Variants in RAB38 observed in about 807,000 individuals in gnomAD.
RAB38 encodes the protein RAB38, member RAS oncogene family.
In RAB38, 15 loss-of-function variants were observed where a neutral mutation model predicts 18.4. The ratio of observed to expected loss-of-function variants is 0.82; its 90% CI spans 0.55 to 1.26. The LOEUF is 1.26. RAB38 is among the 50% of genes most tolerant of loss of function. The probability of loss-of-function intolerance (pLI) is 0.00; values close to 1 mark genes in which losing one functional copy is unlikely to be tolerated. For missense variants in RAB38, 294 were observed against 267.4 expected, an observed-to-expected ratio of 1.10 and a Z score of -0.69; for synonymous variants, 101 against 104.4, an observed-to-expected ratio of 0.97 and a Z score of 0.20.
the RAB38 span, among the ~76,000 whole-genome samples, chr11:88,060,471 G>T: frequency 6.6e-6 from 1 of 152,158 alleles, no homozygotes; most frequent in Non-Finnish European, 1.5e-5. Flanking sequence ...ATATAGAGAG[G>T]TTTATTTTAT....
the RAB38 span, among the ~76,000 whole-genome samples, chr11:87,950,012 T>C: frequency 6.6e-6 from 1 of 152,176 alleles, no homozygotes; most frequent in African/African-American, 2.4e-5. Flanking sequence ...CCATTATTAA[T>C]GTGTGGGAGT....
intron 1 of RAB38, chr11:88,166,892 A>G (rs910692536): frequency 5.3e-5 from 8 of 152,300 alleles, no homozygotes; most frequent in Admixed American, 3.9e-4. Flanking sequence ...TTATTGAAGA[A>G]ATGTTTAGAT....
chr11:87,950,111 T>C, the RAB38 span, among the ~76,000 whole-genome samples: 2 of 152,218 alleles, frequency 1.3e-5, no homozygotes, highest in African/African-American at 2.4e-5. Context: ...TAGTTACCTC[T>C]TCTTGTTGAA....
chr11:87,852,992 T>C, the RAB38 span, among the ~76,000 whole-genome samples: 2 of 152,172 alleles, frequency 1.3e-5, no homozygotes, highest in Non-Finnish European at 2.9e-5. Flanking sequence ...CAAAATGGGA[T>C]GCCTCCTAAC....
chr11:88,138,880 T>C (rs1942869718), intron 2 of RAB38, among the ~76,000 whole-genome samples: 1 of 151,988 alleles, frequency 6.6e-6, no homozygotes, highest in Non-Finnish European at 1.5e-5. Context: ...CCTCCTGGGT[T>C]AACGCCATTC....
At chr11:88,111,937 T>C (rs1316676932), downstream of RAB38, among the ~76,000 whole-genome samples, 3 of 152,212 alleles carry the variant, frequency 2.0e-5, no homozygotes, top group Non-Finnish European at 4.4e-5. Context: ...ATTTTGCCAA[T>C]GTAGTTCTGG....
the RAB38 span, among the ~76,000 whole-genome samples, chr11:88,018,116 G>A: frequency 7.2e-5 from 11 of 152,082 alleles, no homozygotes; most frequent in East Asian, 5.8e-4. Context: ...CCTAGTCTTC[G>A]GTATATCTTT....
the RAB38 span, among the ~76,000 whole-genome samples, chr11:87,976,639 TTA>T: frequency 4.1e-4 from 47 of 115,230 alleles, 1 homozygote; most frequent in Admixed American, 5.1e-3. Context: ...ATATATGATT[TTA>T]TATGATATAT....
chr11:87,939,395 C>T, the RAB38 span, among the ~76,000 whole-genome samples: 8 of 151,522 alleles, frequency 5.3e-5, no homozygotes, highest in East Asian at 1.5e-3. Context: ...CACACACACA[C>T]ACACACACAC....
At chr11:87,881,298 A>G in the RAB38 span, among the ~76,000 whole-genome samples, 1 of 151,806 alleles carries the variant, frequency 6.6e-6, no homozygotes, top group Non-Finnish European at 1.5e-5. Context: ...TTCATGTTTT[A>G]TCCGTGGGTT....
the RAB38 span, among the ~76,000 whole-genome samples, chr11:87,882,727 CT>C: frequency 1.6e-4 from 24 of 151,982 alleles, no homozygotes; most frequent in African/African-American, 5.8e-4. Flanking sequence ...GTCATTGTCA[CT>C]TTTTGTTGTC....
At chr11:87,971,037 G>A in the RAB38 span, among the ~76,000 whole-genome samples, 1 of 152,050 alleles carries the variant, frequency 6.6e-6, no homozygotes, top group Non-Finnish European at 1.5e-5. Flanking sequence ...GTACTAAAAA[G>A]GCTCATTTTA....
the RAB38 span, among the ~76,000 whole-genome samples, chr11:87,878,649 G>C: frequency 1.3e-5 from 2 of 151,568 alleles, no homozygotes; most frequent in African/African-American, 2.4e-5. Flanking sequence ...GCTAAAAATT[G>C]CATTTCCCCT....
chr11:88,015,253 T>G, the RAB38 span, among the ~76,000 whole-genome samples: 1 of 152,160 alleles, frequency 6.6e-6, no homozygotes, highest in African/African-American at 2.4e-5. Flanking sequence ...TCTATGGTTC[T>G]CAAACGTGCT....
At chr11:88,131,043 A>C (rs1021821509) in intron 2 of RAB38, among the ~76,000 whole-genome samples, 1 of 152,168 alleles carries the variant, frequency 6.6e-6, no homozygotes, top group Admixed American at 6.5e-5. Flanking sequence ...AAATAATCTT[A>C]AACATATAAA....
the RAB38 span, among the ~76,000 whole-genome samples, chr11:87,837,293 G>A: frequency 3.1e-4 from 47 of 152,272 alleles, no homozygotes; most frequent in East Asian, 7.5e-3. Flanking sequence ...GGGTGCTTGT[G>A]TGTGAGCTCC....
At chr11:88,091,718 G>A in the RAB38 span, among the ~76,000 whole-genome samples, 294 of 152,054 alleles carry the variant, frequency 1.9e-3, 1 homozygote, top group Middle Eastern at 6.8e-3. Context: ...GCAAGCCCCA[G>A]CATTGGGGCT....
the RAB38 span, among the ~76,000 whole-genome samples, chr11:87,878,520 T>C: frequency 6.6e-6 from 1 of 150,524 alleles, no homozygotes; most frequent in Non-Finnish European, 1.5e-5. Context: ...AAAGAGGGAG[T>C]GTTCTATGGT....
At chr11:87,883,812 C>T in the RAB38 span, among the ~76,000 whole-genome samples, 3 of 151,854 alleles carry the variant, frequency 2.0e-5, no homozygotes, top group Admixed American at 1.3e-4. Context: ...GGCTTACAGA[C>T]GCTGAGAAAG....
Sources: gnomAD v4.1 joint callset for allele counts (sites outside exome capture counted in the v4.1 genomes callset) on GRCh38, gnomAD v4.1.1 for gene constraint, MANE v1.5 for transcripts, NCBI Gene and HGNC (gene_info 2026-07-23, HGNC 2026-07-21) for gene names.